Variants in ACO2 observed in about 807,000 individuals in gnomAD.
The protein encoded by ACO2 is aconitate hydratase, mitochondrial.
A neutral mutation model predicts 84.5 loss-of-function variants in ACO2; 31 were observed. That is an observed-to-expected ratio of 0.37 (90% CI 0.28 to 0.50). The LOEUF (loss-of-function observed/expected upper bound fraction) is 0.50, where lower values mean the gene tolerates loss of function less well. ACO2 is among the 20% of genes least tolerant of loss of function. ACO2 has a pLI of 0.97. For synonymous variants in ACO2, 414 were observed against 412.7 expected (o/e 1.00, Z -0.04); for missense variants, 685 against 1,029.3 (o/e 0.67, Z 4.58).
chr22:41,524,810 T>C, intron 12 of ACO2, 36 bp from the exon 13 acceptor site: 1 of 1,613,952 alleles, frequency 6.2e-7, no homozygotes. Flanking sequence ...GAGTGGCAAT[T>C]GGTGCTGACC....
intron 1 of ACO2, among the ~76,000 whole-genome samples, chr22:41,493,560 TAGAC>T (rs2066290029): frequency 1.3e-5 from 2 of 152,184 alleles, no homozygotes. Context: ...AATGAGCAGA[TAGAC>T]TAGTGAGAAT....
Position 41,525,689 on chromosome 22 carries a change from C to T in ACO2, c.1761+341C>T, listed in dbSNP as rs2066579178. ...GTGTGTGATTGCACAGCAGGCTCCA[C>T]ACCTGGCACGTCCACACAGGCTCTG... On this transcript the variant is annotated intron_variant, in intron 14 of 17. Transcript: ENST00000216254. 5 of 302,708 alleles carry T rather than the reference C, an allele frequency of 1.7e-5. No individual in the cohort carries two copies. In the South Asian group the frequency reaches 2.5e-4, roughly 15 times the overall value. 18.8% of individuals were successfully genotyped at this position (302,708 alleles called of 1,614,324 possible).
chr22:41,515,976 A>G lies in ACO2; in HGVS notation c.835+59A>G. ...CCTGTGCTGGGCCTGATGGGTCTCC[A>G]GTTGGGAGTAGAAGCGGTGAATGGC... On this transcript the variant is annotated intron_variant, in intron 6 of 17. Coordinates refer to ENST00000216254, the MANE Select transcript of ACO2 (RefSeq NM_001098.3). The surrounding 1 kb of genome is among the most constrained non-coding windows in gnomAD (Gnocchi z 5.8). 6.4e-7 allele frequency: 1 copy of G among 1,573,540 alleles called. No homozygotes were observed. Among genetic ancestry groups the G allele is most frequent in the Middle Eastern group, 1.7e-4 (1 of 6,014 alleles).
chr22:41,518,504 T>C lies in ACO2; in HGVS notation c.964T>C (p.Phe322Leu). 6.2e-7 allele frequency: 1 copy of C among 1,613,822 alleles called. No homozygotes were observed. Among genetic ancestry groups the C allele is most frequent in the East Asian group, 2.2e-5 (1 of 44,892 alleles). ...REDIANLADE[F>L]KDHLVPDPGC... ...AGACATTGCCAATCTAGCTGATGAA[T>C]TCAAGGATCACTTGGTGCCTGACCC... Residue 322 changes from phenylalanine to leucine, a missense_variant, in exon 8 of 18, where the codon TTC (phenylalanine) becomes CTC (leucine). Physicochemically the swap from Phe to Leu is conservative, Grantham distance 22. Around this residue, in one of 5 missense-constraint regions of ACO2, gnomAD observed 311 missense variants for 441.6 expected, o/e 0.70. Transcript: ENST00000216254.
intron 14 of ACO2, 141 bp from the exon 15 acceptor site, chr22:41,526,121 A>G (rs1601932466): frequency 1.5e-6 from 1 of 681,398 alleles, no homozygotes; most frequent in Non-Finnish European, 2.5e-6. Context: ...ACCACAGAAC[A>G]CGTGTCTGAA....
rs543394003 is a variant in ACO2, at chr22:41,508,025, C to A, written c.408C>A (p.Gly136=). ...CDHLIEAQVG[G]EKDLRRAKDI... is the part of the protein sequence containing the mutation. ...ATCTGATTGAAGCCCAGGTTGGGGG[C>A]GAGAAAGACCTGCGCCGGGCCAAGG... The change falls in exon 3 of 18, where the codon GGC becomes GGA. Residue 136 remains glycine (G), a synonymous_variant. Transcript: ENST00000216254. 1 of 1,612,520 alleles carries A rather than the reference C, an allele frequency of 6.2e-7. No homozygotes were observed. Among genetic ancestry groups the A allele is most frequent in the Non-Finnish European group, 8.5e-7 (1 of 1,178,698 alleles).
At chr22:41,485,743 C>T (rs56763176) in intron 1 of ACO2, among the ~76,000 whole-genome samples, 2,844 of 151,020 alleles carry the variant, frequency 0.019, 88 homozygotes, top group African/African-American at 0.066. Flanking sequence ...GCGCTCGGCC[C>T]GCCCGGCTAA....
At chr22:41,494,212 A>C (rs926437792) in intron 1 of ACO2, among the ~76,000 whole-genome samples, 1 of 152,188 alleles carries the variant, frequency 6.6e-6, no homozygotes, top group African/African-American at 2.4e-5. Flanking sequence ...TTAAGGAGTT[A>C]AATGACTTGT....
intron 4 of ACO2, among the ~76,000 whole-genome samples, chr22:41,513,191 G>A (rs2066448520): frequency 6.6e-6 from 1 of 152,198 alleles, no homozygotes; most frequent in Non-Finnish European, 1.5e-5. Flanking sequence ...TGTTACAAAG[G>A]GCACTGCAAT....
intron 2 of ACO2, among the ~76,000 whole-genome samples, chr22:41,500,790 G>A (rs982160047): frequency 1.3e-5 from 2 of 151,794 alleles, no homozygotes; most frequent in African/African-American, 2.4e-5. Context: ...TGCAACCTCC[G>A]CCCCCCAGGT....
chr22:41,518,384 G>T, intron 7 of ACO2, 97 bp from the exon 8 acceptor site: 1 of 880,934 alleles, frequency 1.1e-6, no homozygotes, highest in Non-Finnish European at 1.9e-6. Context: ...GCCCAGGGTG[G>T]GCCTGGTGTT....
At chr22:41,514,877 A>T (rs2066463295) in intron 4 of ACO2, among the ~76,000 whole-genome samples, 1 of 152,220 alleles carries the variant, frequency 6.6e-6, no homozygotes. Flanking sequence ...CAGTTGAGGA[A>T]AAGTTCATAG....
rs1484434122 is a variant in ACO2 at position 41,527,420 on chromosome 22, G to A, written c.2086G>A (p.Glu696Lys). ...CACCAAGAGCTTTGCCAGGATCCAC[G>A]GTGAGCTGGAGTCTGTACCCAGGCC... Reference protein sequence around the residue: ...IITKSFARIHETNLKKQGLLP... With the variant: ...IITKSFARIHKTNLKKQGLLP... The change falls in exon 16 of 18, where the codon GAG (glutamate) becomes AAG (lysine). Residue 696 changes from glutamate (E) to lysine (K), a missense_variant and splice_region_variant. Transcript: ENST00000216254. 2.5e-6 allele frequency: 4 copies of A among 1,609,616 alleles called. No homozygotes were observed. The highest frequency in any genetic ancestry group is 2.2e-5 in the East Asian group (1 of 44,848).
chr22:41,515,890 C>T lies in ACO2; in HGVS notation c.808C>T (p.Pro270Ser), dbSNP rs1411028052. The T allele has an allele frequency of 1.2e-6, 2 of 1,614,044 alleles. No homozygotes were observed. The highest frequency in any genetic ancestry group is 1.3e-5 in the African/African-American group (1 of 74,948). Residue 270 changes from proline to serine, a missense_variant, in exon 6 of 18, where the codon CCT becomes TCT. By Grantham distance (74) the Pro-to-Ser change is moderately conservative. This residue lies in a region of ACO2 where 311 missense variants were observed against 441.6 expected (regional missense o/e 0.70). Coordinates refer to ENST00000216254, the MANE Select transcript of ACO2 (RefSeq NM_001098.3). This position sits in a 1 kb window ranked among gnomAD's most constrained non-coding sequence, Gnocchi z 5.8. ...AGGTGCAATCGTGGAATACCACGGG[C>T]CTGGTGTAGACTCCATCTCCTGCAC... ...GTGAIVEYHGPGVDSISCTGM... is the reference protein window; with the variant it reads ...GTGAIVEYHGSGVDSISCTGM...
In ACO2 at chr22:41,499,711, T is replaced by G; in HGVS notation, c.37-15T>G. 6.2e-7 allele frequency: 1 copy of G among 1,610,056 alleles called. No homozygotes were observed. Among genetic ancestry groups the G allele is most frequent in the Non-Finnish European group, 8.5e-7 (1 of 1,179,530 alleles). ...AGTGCTCCATTGACAGTGGCTGTCA[T>G]GTTTCTTCTTGCAGAAAGCTCTGGG... On this transcript the variant is annotated splice_polypyrimidine_tract_variant and intron_variant, in intron 1 of 17. Transcript: ENST00000216254.
chr22:41,525,834 GA>G (rs138734297), intron 14 of ACO2: 6,252 of 198,430 alleles, frequency 0.032, 372 homozygotes, highest in African/African-American at 0.14. Flanking sequence ...ATCTGTGTCA[GA>G]TATTTATTTA....
chr22:41,525,471 G>A (rs2066574820), intron 14 of ACO2, 123 bp downstream of exon 14: 3 of 1,273,026 alleles, frequency 2.4e-6, no homozygotes, highest in South Asian at 1.4e-5. Flanking sequence ...GGAGATGGAA[G>A]GGAGGTTTGG....
At chr22:41,504,829 T>G (rs566612404) in intron 2 of ACO2, among the ~76,000 whole-genome samples, 169 of 144,236 alleles carry the variant, frequency 1.2e-3, no homozygotes, top group African/African-American at 3.8e-3. Flanking sequence ...GGTCAATCCA[T>G]CCTCCCACCT....
At chr22:41,524,008 A>G in intron 12 of ACO2, 67 bp downstream of exon 12, 1 of 1,398,214 alleles carries the variant, frequency 7.2e-7, no homozygotes, top group South Asian at 1.2e-5. Flanking sequence ...TCAGAGGAGG[A>G]GGCAGAAGGA....
Sources: allele counts gnomAD v4.1 joint callset (sites outside exome capture counted in the v4.1 genomes callset), GRCh38; gene constraint gnomAD v4.1.1; regional missense constraint gnomAD v4.1.1; non-coding constraint Gnocchi (gnomAD v3.1); transcripts MANE v1.5; gene names NCBI Gene and HGNC (gene_info 2026-07-23, HGNC 2026-07-21).